Variants in TMEM39B observed in about 807,000 individuals in gnomAD.
The protein encoded by TMEM39B is transmembrane protein 39B.
In TMEM39B, 23 loss-of-function variants were observed where a neutral mutation model predicts 52.2. That is an observed-to-expected ratio of 0.44 (90% confidence interval 0.32 to 0.62). The LOEUF (loss-of-function observed/expected upper bound fraction) is 0.62. Ranked by LOEUF, TMEM39B falls within the 20% of genes least tolerant of loss-of-function variation. The pLI is 0.06. For missense variants in TMEM39B, 547 were observed against 642.0 expected (o/e 0.85, Z 1.60); for synonymous variants, 285 against 264.0 (o/e 1.08, Z -0.77).
In TMEM39B at chr1:32,077,336, C is replaced by T; in HGVS notation, c.590+18C>T. 1 of 1,613,902 alleles carries T rather than the reference C, an allele frequency of 6.2e-7. No individual in the cohort carries two copies. Among genetic ancestry groups the T allele is most frequent in the Non-Finnish European group, 8.5e-7 (1 of 1,179,860 alleles). On this transcript the variant is annotated intron_variant, in intron 5 of 8. Transcript: ENST00000336294. The stretch of plus-strand genomic sequence containing the variant: ...TGCTATCCGTGAGTACCCCTCACTT[C>T]ACCCCTCACTGCCCAGCACCTGGCC...
At chr1:32,099,946 C>T (rs1347697388) in intron 7 of TMEM39B, among the ~76,000 whole-genome samples, 1 of 152,082 alleles carries the variant, frequency 6.6e-6, no homozygotes, top group Non-Finnish European at 1.5e-5. Context: ...ACTCTTCAGG[C>T]TGAGGCAGGA....
intron 5 of TMEM39B, among the ~76,000 whole-genome samples, chr1:32,079,445 A>G (rs1336830397): frequency 6.6e-6 from 1 of 151,980 alleles, no homozygotes; most frequent in Admixed American, 6.6e-5. Flanking sequence ...CGGCCTCCCA[A>G]AGTGCTGGGA....
chr1:32,074,215 C>G (rs1356224875), intron 1 of TMEM39B, among the ~76,000 whole-genome samples: 1 of 152,120 alleles, frequency 6.6e-6, no homozygotes, highest in Non-Finnish European at 1.5e-5. Flanking sequence ...GCCCTGGGTC[C>G]TGCCCATGAG....
At chr1:32,096,451 CTTTTTTTT>C (rs965499225) in intron 7 of TMEM39B, among the ~76,000 whole-genome samples, 1 of 105,028 alleles carries the variant, frequency 9.5e-6, no homozygotes, top group Non-Finnish European at 1.8e-5. Flanking sequence ...CTCCTCTGGC[CTTTTTTTT>C]TTTTTTTTTT....
Position 32,079,772 on chromosome 1 carries a change from AT to A in TMEM39B, c.590+2467del, listed in dbSNP as rs576489453. Among the ~76,000 whole-genome samples the A allele has an allele frequency of 2.1e-3, 297 of 141,888 alleles. 4 individuals are homozygous for A. Among genetic ancestry groups the A allele is most frequent in the East Asian group, 6.0e-3 (29 of 4,852 alleles). 93.1% of individuals were successfully genotyped at this position (141,888 alleles called of 152,430 possible). A position where few individuals can be genotyped will look rare whatever the true frequency, so the allele number is the denominator to read the frequency against. On this transcript the variant is annotated intron_variant, in intron 5 of 8. Transcript: ENST00000336294. ...ACAATTTATTTGTCTTCTATTGGCA[AT>A]TTTTTTTTTTTTCTGAGATGGAGTC... is the stretch of plus-strand genomic sequence containing the variant.
Position 32,091,685 on chromosome 1 carries a change from T to C in TMEM39B, c.601T>C (p.Tyr201His). The change falls in exon 6 of 9, where the codon TAC becomes CAC. Residue 201 changes from tyrosine (Y) to histidine (H), a missense_variant. Physicochemically the swap from Tyr to His is moderately conservative, Grantham distance 83. Coordinates refer to ENST00000336294, the MANE Select transcript of TMEM39B (RefSeq NM_018056.4). ...CGTCTTCCCCAGCAGGTTTGGGATG[T>C]ACATTCCGTTCCTGCAGCTGAATTG... ...LLFLCYPFGM[Y>H]IPFLQLNCDL... The C allele has an allele frequency of 6.2e-7, 1 of 1,601,692 alleles. No homozygotes were observed. The highest frequency in any genetic ancestry group is 8.5e-7 in the Non-Finnish European group (1 of 1,172,734).
Position 32,076,825 on chromosome 1 carries a change from C to T in TMEM39B, c.414C>T (p.Phe138=). Reference sequence around the variant, plus strand: ...CCACCATCGTTCTGGGCCGCCGCTTCATTGGGTCCATCGTGAAGGAGGTGA... The same window carrying T: ...CCACCATCGTTCTGGGCCGCCGCTTTATTGGGTCCATCGTGAAGGAGGTGA... ...MVTTIVLGRR[F]IGSIVKEASQ... Residue 138 remains phenylalanine (F), a synonymous_variant, in exon 4 of 9, where the codon TTC becomes TTT. Transcript: ENST00000336294. The T allele has an allele frequency of 6.2e-7, 1 of 1,614,126 alleles. No individual in the cohort carries two copies. Among genetic ancestry groups the T allele is most frequent in the Non-Finnish European group, 8.5e-7 (1 of 1,180,018 alleles).
At position 32,076,766 on chromosome 1, in the gene TMEM39B, T is replaced by C. The variant is rs370940364; in HGVS notation, c.355T>C (p.Phe119Leu). ...CCAGGCCTCTGCCCCCTGACAGAAC[T>C]TCCATCTGATCGACTTCAACTTGCT... ...SHPPSHTSLN[F>L]HLIDFNLLMV... The change falls in exon 4 of 9, where the codon TTC becomes CTC. Residue 119 changes from phenylalanine (F) to leucine (L), a missense_variant. Coordinates refer to ENST00000336294, the MANE Select transcript of TMEM39B (RefSeq NM_018056.4). The C allele has an allele frequency of 1.9e-6, 3 of 1,613,910 alleles. No individual in the cohort carries two copies. The highest frequency in any genetic ancestry group is 2.5e-6 in the Non-Finnish European group (3 of 1,179,988).
At chr1:32,073,155 G>A (rs1052087096) in intron 1 of TMEM39B, 104 bp downstream of exon 1, 7 of 1,339,714 alleles carry the variant, frequency 5.2e-6, no homozygotes, top group Non-Finnish European at 6.8e-6. Flanking sequence ...CCGGTGACGG[G>A]AGGGGGAGGG....
At chr1:32,093,703 C>T (rs959615960) in intron 6 of TMEM39B, among the ~76,000 whole-genome samples, 10 of 151,284 alleles carry the variant, frequency 6.6e-5, no homozygotes, top group African/African-American at 1.9e-4. Context: ...TAAGCCACTG[C>T]GCCCGGCCCT....
intron 7 of TMEM39B, among the ~76,000 whole-genome samples, chr1:32,097,218 T>A (rs2124495867): frequency 6.6e-6 from 1 of 152,256 alleles, no homozygotes; most frequent in African/African-American, 2.4e-5. Flanking sequence ...AATGTCCTCA[T>A]GGCCCTTCCC....
chr1:32,083,850 A>G (rs1640221440), intron 5 of TMEM39B, among the ~76,000 whole-genome samples: 1 of 152,152 alleles, frequency 6.6e-6, no homozygotes, highest in Non-Finnish European at 1.5e-5. Context: ...GGCTCAAGCC[A>G]TCCTCCCATC....
At chr1:32,086,778 AAG>A (rs561308722) in intron 5 of TMEM39B, among the ~76,000 whole-genome samples, 12 of 151,990 alleles carry the variant, frequency 7.9e-5, no homozygotes, top group East Asian at 1.9e-4. Flanking sequence ...AAAAAAAAAA[AAG>A]AGAGAGAAAC....
intron 5 of TMEM39B, among the ~76,000 whole-genome samples, chr1:32,089,742 A>AAT (rs921326122): frequency 2.0e-5 from 3 of 151,416 alleles, no homozygotes; most frequent in African/African-American, 7.3e-5. Context: ...TGCCTCCTGA[A>AAT]ATGTAGCATT....
At position 32,094,928 on chromosome 1, in the gene TMEM39B, C is replaced by T; in HGVS notation, c.1072C>T (p.Gln358Ter). 1 of 1,613,824 alleles carries T rather than the reference C, an allele frequency of 6.2e-7. No individual in the cohort carries two copies. Among genetic ancestry groups the T allele is most frequent in the Non-Finnish European group, 8.5e-7 (1 of 1,180,048 alleles). ...HKAAAHLGCW[Q>*]KVDPALCSNV... Reference sequence around the variant, plus strand: ...GGCCGCCGCCCATCTGGGCTGTTGGCAGAAGGTGGACCCAGCGCTGTGCTC... The same window carrying T: ...GGCCGCCGCCCATCTGGGCTGTTGGTAGAAGGTGGACCCAGCGCTGTGCTC... The change falls in exon 7 of 9, where the codon CAG becomes TAG. Residue 358 changes from glutamine (Q) to a stop codon, truncating the protein, a stop_gained. Coordinates refer to ENST00000336294, the MANE Select transcript of TMEM39B (RefSeq NM_018056.4). LOFTEE classifies it high-confidence loss of function.
chr1:32,075,150 G>A, intron 2 of TMEM39B, 73 bp downstream of exon 2: 2 of 1,475,398 alleles, frequency 1.4e-6, no homozygotes, highest in South Asian at 2.8e-5. Context: ...TCTCTGACTG[G>A]ATTCTAAGAT....
At chr1:32,076,377 C>T (rs1007477445) in intron 3 of TMEM39B, 6 of 349,672 alleles carry the variant, frequency 1.7e-5, no homozygotes, top group Non-Finnish European at 3.4e-5. Context: ...TCCCAAAGTG[C>T]TGGGATTACA....
chr1:32,075,690 A>G lies in TMEM39B; in HGVS notation c.219A>G (p.Pro73=). Residue 73 remains proline (P), a synonymous_variant, in exon 3 of 9, where the codon CCA becomes CCG. Coordinates refer to ENST00000336294, the MANE Select transcript of TMEM39B (RefSeq NM_018056.4). The part of the protein sequence containing the change: ...PLQHCKIPEL[P]VQASILFELQ... ...AGCACTGCAAGATCCCCGAGCTGCC[A>G]GTCCAGGCCAGCATTCTGTTTGAGT... 8.4e-6 allele frequency: 13 copies of G among 1,551,854 alleles called. No individual in the cohort carries two copies. The highest frequency in any genetic ancestry group is 1.4e-5 in the African/African-American group (1 of 73,180).
intron 5 of TMEM39B, among the ~76,000 whole-genome samples, chr1:32,088,582 T>TG (rs1427472196): frequency 1.4e-3 from 180 of 127,290 alleles, no homozygotes; most frequent in African/African-American, 4.7e-3. Flanking sequence ...TTTTTTTTTT[T>TG]CTGATACAGA....
Sources: gnomAD v4.1 joint callset for allele counts (sites outside exome capture counted in the v4.1 genomes callset) on GRCh38, gnomAD v4.1.1 for gene constraint, MANE v1.5 for transcripts, NCBI Gene and HGNC (gene_info 2026-07-23, HGNC 2026-07-21) for gene names.